ACOD1: variants seen among roughly 807,000 people sequenced by gnomAD.
ACOD1 encodes the protein cis-aconitate decarboxylase.
ACOD1 carries 14 observed loss-of-function variants against 14.2 expected under a neutral mutation model. That is an observed-to-expected ratio of 0.99 (90% CI 0.65 to 1.54). The LOEUF is 1.54. Ranked by LOEUF, ACOD1 falls within the 40% of genes most tolerant of loss-of-function variation. The probability of loss-of-function intolerance (pLI) is 0.00; values close to 1 mark genes in which losing one functional copy is unlikely to be tolerated. For synonymous variants in ACOD1, 182 were observed against 221.7 expected, an observed-to-expected ratio of 0.82 and a Z score of 1.59; for missense variants, 530 against 586.3, an observed-to-expected ratio of 0.90 and a Z score of 0.99.
rs943250409 is a variant in ACOD1 at position 76,958,167 on chromosome 13, C to T, written c.*182C>T. 1.1e-5 allele frequency: 6 copies of T among 534,268 alleles called. No homozygotes were observed. The African/African-American group carries it at 1.1e-4, about 10-fold the overall frequency. The allele number at this position is 534,268 out of a possible 1,614,324, so 33.1% of individuals were successfully genotyped here. The stretch of plus-strand genomic sequence containing the variant: ...AAATTTTGCAGGACAGTTCCACTTA[C>T]CTAAATCAAGATGAAACACACACAC... On this transcript the variant is annotated 3_prime_UTR_variant, in exon 5 of 5. Coordinates refer to ENST00000377462, the MANE Select transcript of ACOD1 (RefSeq NM_001258406.2).
At chr13:76,950,916 C>T (rs1030531891) in intron 1 of ACOD1, among the ~76,000 whole-genome samples, 4 of 152,182 alleles carry the variant, frequency 2.6e-5, no homozygotes, top group Non-Finnish European at 5.9e-5. Flanking sequence ...CTGCATGCAA[C>T]TCCACAGCTG....
chr13:76,957,346 G>A lies in ACOD1; in HGVS notation c.807G>A (p.Val269=). 1 of 1,550,640 alleles carries A rather than the reference G, an allele frequency of 6.4e-7. No individual in the cohort carries two copies. Among genetic ancestry groups the A allele is most frequent in the Non-Finnish European group, 8.7e-7 (1 of 1,147,000 alleles). Residue 269 remains valine (V), a synonymous_variant, in exon 5 of 5, where the codon GTG becomes GTA. Transcript: ENST00000377462. The part of the protein sequence containing the change: ...SYSWLLDQQD[V]AFKRFPAHLS... ...GTTGGCTGCTGGACCAGCAGGACGT[G>A]GCCTTTAAGCGTTTTCCTGCACATT...
chr13:76,948,631 C>G, intron 1 of ACOD1, 61 bp downstream of exon 1: 1 of 1,382,220 alleles, frequency 7.2e-7, no homozygotes. Context: ...CTTCCTTCCT[C>G]AATTTCTTCA....
At chr13:76,954,843 G>T (rs1000556484) in intron 3 of ACOD1, among the ~76,000 whole-genome samples, 7 of 152,098 alleles carry the variant, frequency 4.6e-5, no homozygotes, top group African/African-American at 1.2e-4. Flanking sequence ...AATAATCACA[G>T]CCAGGCCAGG....
rs959120361 is a variant in ACOD1, at chr13:76,956,673, C to T, written c.471-337C>T. 7.9e-5 allele frequency among the ~76,000 whole-genome samples: 12 copies of T among 152,066 alleles called. 1 individual carries two copies. The highest frequency in any genetic ancestry group is 3.9e-4 in the Admixed American group (6 of 15,264). ...GACTGCAGGCACCCACCACCACATC[C>T]GGCAAATTTTTGTATTTTTAGTAGA... On this transcript the variant is annotated intron_variant, in intron 4 of 4. Transcript: ENST00000377462.
chr13:76,957,493 T>C lies in ACOD1; in HGVS notation c.954T>C (p.Tyr318=), dbSNP rs2033890181. The change falls in exon 5 of 5, where the codon TAT becomes TAC. Residue 318 remains tyrosine (Y), a synonymous_variant. Coordinates refer to ENST00000377462, the MANE Select transcript of ACOD1 (RefSeq NM_001258406.2). ...RIVLRIPNVQ[Y]VNRPFPVSEH... is the part of the protein sequence containing the mutation. ...TGCTCAGGATACCAAATGTCCAGTA[T>C]GTAAACAGGCCCTTTCCAGTTTCGG... 2 of 1,550,510 alleles carry C rather than the reference T, an allele frequency of 1.3e-6. No individual in the cohort carries two copies. The highest frequency in any genetic ancestry group is 2.4e-5 in the South Asian group (2 of 84,070).
At position 76,957,486 on chromosome 13, in the gene ACOD1, T is replaced by C. The variant is rs775518331; in HGVS notation, c.947T>C (p.Val316Ala). 2 of 1,550,600 alleles carry C rather than the reference T, an allele frequency of 1.3e-6. No individual in the cohort carries two copies. The highest frequency in any genetic ancestry group is 2.4e-5 in the South Asian group (2 of 84,064). Residue 316 changes from valine (V) to alanine (A), a missense_variant, in exon 5 of 5, where the codon GTC becomes GCC. By Grantham distance (64) the Val-to-Ala change is moderately conservative. Transcript: ENST00000377462. ...AGAATTGTGCTCAGGATACCAAATG[T>C]CCAGTATGTAAACAGGCCCTTTCCA... Reference protein sequence around the residue: ...IKRIVLRIPNVQYVNRPFPVS... With the variant: ...IKRIVLRIPNAQYVNRPFPVS...
In ACOD1 at chr13:76,957,365, G is replaced by A; in HGVS notation, c.826G>A (p.Ala276Thr). ...GGACGTGGCCTTTAAGCGTTTTCCT[G>A]CACATTTATCTACCCACTGGGTGGC... ...QQDVAFKRFP[A>T]HLSTHWVADA... The change falls in exon 5 of 5, where the codon GCA becomes ACA. Residue 276 changes from alanine (A) to threonine (T), a missense_variant. Coordinates refer to ENST00000377462, the MANE Select transcript of ACOD1 (RefSeq NM_001258406.2). The A allele has an allele frequency of 6.4e-7, 1 of 1,550,646 alleles. No homozygotes were observed. Among genetic ancestry groups the A allele is most frequent in the Non-Finnish European group, 8.7e-7 (1 of 1,147,010 alleles).
intron 1 of ACOD1, 70 bp downstream of exon 1, chr13:76,948,640 C>T (rs1053697430): frequency 1.7e-5 from 22 of 1,300,020 alleles, no homozygotes; most frequent in Non-Finnish European, 2.4e-5. Flanking sequence ...TCAATTTCTT[C>T]AGTTGCCCTC....
Position 76,957,066 on chromosome 13 carries a change from T to G in ACOD1, c.527T>G (p.Phe176Cys). ...GGTAGTGCTGCTGCTGCATCCAAGT[T>G]TTTAGGACTTAGCTCGACAAAGTGC... ...TLGSAAAASKFLGLSSTKCRE... is the reference protein window; with the variant it reads ...TLGSAAAASKCLGLSSTKCRE... The change falls in exon 5 of 5, where the codon TTT (phenylalanine) becomes TGT (cysteine). Residue 176 changes from phenylalanine (F) to cysteine (C), a missense_variant. Coordinates refer to ENST00000377462, the MANE Select transcript of ACOD1 (RefSeq NM_001258406.2). The G allele has an allele frequency of 6.4e-7, 1 of 1,550,624 alleles. No homozygotes were observed. Among genetic ancestry groups the G allele is most frequent in the Non-Finnish European group, 8.7e-7 (1 of 1,147,012 alleles).
intron 3 of ACOD1, 149 bp downstream of exon 3, chr13:76,953,838 TA>T: frequency 1.8e-6 from 1 of 569,726 alleles, no homozygotes; most frequent in Non-Finnish European, 3.2e-6. Flanking sequence ...CTCTCCTATG[TA>T]GTAATTCAGT....
rs562717649 is a variant in ACOD1 at position 76,958,426 on chromosome 13, T to TA, written c.*442dup. 426 of 155,118 alleles carry TA rather than the reference T, an allele frequency of 2.7e-3. 1 individual carries two copies. The highest frequency in any genetic ancestry group is 9.7e-3 in the African/African-American group (402 of 41,566). 9.6% of individuals were successfully genotyped at this position (155,118 alleles called of 1,614,324 possible). A position where few individuals can be genotyped will look rare whatever the true frequency, so the allele number is the denominator to read the frequency against. On this transcript the variant is annotated 3_prime_UTR_variant, in exon 5 of 5. Coordinates refer to ENST00000377462, the MANE Select transcript of ACOD1 (RefSeq NM_001258406.2). ...AAGCCCTCCACAGTGCAAGGGGTGC[T>TA]ACTGGGGAATGGGTGGGTTTAAATC... is the stretch of plus-strand genomic sequence containing the variant.
chr13:76,953,688 C>G lies in ACOD1; in HGVS notation c.263C>G (p.Ala88Gly). 6.5e-7 allele frequency: 1 copy of G among 1,533,208 alleles called. No homozygotes were observed. The highest frequency in any genetic ancestry group is 8.8e-7 in the Non-Finnish European group (1 of 1,131,418). The allele number at this position is 1,533,208 out of a possible 1,614,324, so 95.0% of individuals were successfully genotyped here. A position where few individuals can be genotyped will look rare whatever the true frequency, so the allele number is the denominator to read the frequency against. Residue 88 changes from alanine to glycine, a missense_variant and splice_region_variant, in exon 3 of 5, where the codon GCT (alanine) becomes GGT (glycine). By Grantham distance (60) the Ala-to-Gly change is moderately conservative. Coordinates refer to ENST00000377462, the MANE Select transcript of ACOD1 (RefSeq NM_001258406.2). Reference sequence around the variant, plus strand: ...TATGCTGCTTTTGTGAACGGTGTGGCTGTAAGGAGGTTTTCACGTCTTTTC... The same window carrying G: ...TATGCTGCTTTTGTGAACGGTGTGGGTGTAAGGAGGTTTTCACGTCTTTTC... ...PTYAAFVNGV[A>G]IHSMDFDDTW... is the part of the protein sequence containing the mutation.
intron 2 of ACOD1, 129 bp downstream of exon 2, chr13:76,952,779 C>T (rs1566205959): frequency 2.7e-6 from 2 of 732,588 alleles, no homozygotes; most frequent in Non-Finnish European, 4.3e-6. Flanking sequence ...TTTATAATTT[C>T]CTATGTTCCA....
In ACOD1 at chr13:76,958,559, A is replaced by C. The variant is rs1249015462; in HGVS notation, c.*574A>C. 1 of 152,666 alleles carries C rather than the reference A, an allele frequency of 6.6e-6. No homozygotes were observed. The highest frequency in any genetic ancestry group is 1.5e-5 in the Non-Finnish European group (1 of 68,336). 9.5% of individuals were successfully genotyped at this position (152,666 alleles called of 1,614,324 possible). Reference sequence around the variant, plus strand: ...GTAAAAAGCAGTCTGGAAAAATCGCATTTTGGCTCTAGAACCCATGGTCTT... The same window carrying C: ...GTAAAAAGCAGTCTGGAAAAATCGCCTTTTGGCTCTAGAACCCATGGTCTT... On this transcript the variant is annotated 3_prime_UTR_variant, in exon 5 of 5. Coordinates refer to ENST00000377462, the MANE Select transcript of ACOD1 (RefSeq NM_001258406.2).
At position 76,957,011 on chromosome 13, in the gene ACOD1, T is replaced by A; in HGVS notation, c.472T>A (p.Phe158Ile). The change falls in exon 5 of 5, where the codon TTC becomes ATC. Residue 158 changes from phenylalanine to isoleucine, a missense_variant and splice_region_variant. By Grantham distance (21) the Phe-to-Ile change is conservative. Transcript: ENST00000377462. ...AKEANDMPKR[F>I]HPPSVVGTLG... ...CAACTCTGCTTCTTTGCTTTTCAGA[T>A]TCCATCCCCCTTCCGTGGTAGGAAC... is the stretch of plus-strand genomic sequence containing the variant. The A allele has an allele frequency of 1.3e-6, 2 of 1,544,788 alleles. No individual in the cohort carries two copies. The highest frequency in any genetic ancestry group is 1.7e-6 in the Non-Finnish European group (2 of 1,143,560).
intron 1 of ACOD1, among the ~76,000 whole-genome samples, chr13:76,951,030 T>G (rs549980515): frequency 2.0e-5 from 3 of 152,298 alleles, no homozygotes; most frequent in Admixed American, 2.0e-4. Context: ...TATTATCTGA[T>G]GACTACTCTT....
chr13:76,953,401 G>A (rs1005444532), intron 2 of ACOD1, among the ~76,000 whole-genome samples, 199 bp from the exon 3 acceptor site: 2 of 152,120 alleles, frequency 1.3e-5, no homozygotes, highest in Admixed American at 6.5e-5. Flanking sequence ...ATCAAGCAAC[G>A]ACATCTCCTC....
chr13:76,953,490 G>A, intron 2 of ACOD1, 110 bp from the exon 3 acceptor site: 1 of 657,038 alleles, frequency 1.5e-6, no homozygotes, highest in Non-Finnish European at 2.7e-6. Context: ...TGTGGCAAAG[G>A]TTCAAGTAAG....
Sources: gnomAD v4.1 joint callset for allele counts (sites outside exome capture counted in the v4.1 genomes callset) on GRCh38, gnomAD v4.1.1 for gene constraint, MANE v1.5 for transcripts, NCBI Gene and HGNC (gene_info 2026-07-23, HGNC 2026-07-21) for gene names.